IQCM: variants seen among roughly 807,000 people sequenced by gnomAD.
IQCM encodes IQ motif containing M, also known as IQ domain-containing protein M.
In IQCM, 45 loss-of-function variants were observed where a neutral mutation model predicts 57.6. The ratio of observed to expected loss-of-function variants is 0.78; its 90% CI spans 0.62 to 1.00. IQCM has a LOEUF of 1.00. Among genes scored for constraint, IQCM ranks in the 50% least tolerant of loss-of-function variants. The pLI is 0.00. For synonymous variants in IQCM, 148 were observed against 158.9 expected, an observed-to-expected ratio of 0.93 and a Z score of 0.51; for missense variants, 468 against 511.6, an observed-to-expected ratio of 0.91 and a Z score of 0.82.
Position 149,776,136 on chromosome 4 carries a change from AAATTT to A in IQCM, c.-48-33402_-48-33398del, listed in dbSNP as rs371324151. On this transcript the variant is annotated intron_variant, in intron 2 of 13. Transcript: ENST00000636793. ...GACACAGCAAGGCTGTGTCTCTAAA[AAATTT>A]AATTTAATTTAAATTTAGAAAGCAA... Among the ~76,000 whole-genome samples the A allele has an allele frequency of 6.5e-3, 983 of 152,240 alleles. 9 individuals are homozygous for A. The highest frequency in any genetic ancestry group is 0.044 in the Middle Eastern group (13 of 294).
chr4:149,595,378 C>T (rs1701824479), intron 8 of IQCM, among the ~76,000 whole-genome samples: 2 of 151,772 alleles, frequency 1.3e-5, no homozygotes, highest in African/African-American at 4.8e-5. Flanking sequence ...ACCTTGTGAC[C>T]CTACCAGAAA....
chr4:149,444,786 T>C (rs148641520), intron 12 of IQCM, among the ~76,000 whole-genome samples: 34 of 152,022 alleles, frequency 2.2e-4, no homozygotes, highest in East Asian at 1.7e-3. Context: ...ATTAGTTAAA[T>C]TGATAACAAA....
intron 2 of IQCM, among the ~76,000 whole-genome samples, chr4:149,746,222 C>T (rs1016716888): frequency 6.6e-6 from 1 of 152,116 alleles, no homozygotes; most frequent in African/African-American, 2.4e-5. Flanking sequence ...CATACTTTCA[C>T]CCTTCCCCAT....
intron 13 of IQCM, among the ~76,000 whole-genome samples, chr4:149,371,192 T>C (rs1044867376): frequency 1.3e-5 from 2 of 152,062 alleles, no homozygotes; most frequent in Non-Finnish European, 2.9e-5. Context: ...AAGTTGTAAA[T>C]TACCACTAGA....
intron 8 of IQCM, among the ~76,000 whole-genome samples, chr4:149,599,157 T>C (rs889479459): frequency 2.0e-5 from 3 of 152,144 alleles, no homozygotes; most frequent in African/African-American, 7.2e-5. Context: ...AATAACTTTT[T>C]TAAAAGCAAA....
intron 13 of IQCM, among the ~76,000 whole-genome samples, chr4:149,370,047 CACCACGTCTGGCAATTTTTTTATTTT>C (rs761540144): frequency 2.0e-5 from 3 of 152,070 alleles, no homozygotes; most frequent in Non-Finnish European, 4.4e-5. Context: ...AGGCTGGGGC[CACCACGTCTGGCAATTTTTTTATTTT>C]TGTAGAGAGG....
chr4:149,381,520 T>C (rs1731074827), intron 13 of IQCM, among the ~76,000 whole-genome samples: 1 of 152,070 alleles, frequency 6.6e-6, no homozygotes, highest in Non-Finnish European at 1.5e-5. Flanking sequence ...CTCCAGACAC[T>C]CTCTTCTCAG....
chr4:149,356,284 T>A lies in IQCM; in HGVS notation c.1391-4218A>T, dbSNP rs752431550. On this transcript the variant is annotated intron_variant, in intron 13 of 13. Transcript: ENST00000636793. ...TTTGTCAATTTTGGCTTTTGTTGCC[T>A]TTGCTTTTGGTGTTTTAGACATGAA... Among the ~76,000 whole-genome samples the A allele has an allele frequency of 3.8e-3, 584 of 152,242 alleles. 3 individuals carry two copies. The highest frequency in any genetic ancestry group is 0.013 in the African/African-American group (542 of 41,552).
At chr4:149,436,233 T>A (rs1735352530) in intron 12 of IQCM, among the ~76,000 whole-genome samples, 1 of 152,136 alleles carries the variant, frequency 6.6e-6, no homozygotes, top group African/African-American at 2.4e-5. Flanking sequence ...CACAAATCCT[T>A]ACCACTGTGT....
intron 2 of IQCM, among the ~76,000 whole-genome samples, chr4:149,747,400 T>A (rs981980284): frequency 6.6e-6 from 1 of 152,184 alleles, no homozygotes; most frequent in Non-Finnish European, 1.5e-5. Context: ...CCCTCCCATA[T>A]AGTTTAAATC....
intron 12 of IQCM, among the ~76,000 whole-genome samples, chr4:149,500,300 T>C (rs1206444868): frequency 6.6e-6 from 1 of 152,206 alleles, no homozygotes; most frequent in Non-Finnish European, 1.5e-5. Context: ...GACAGCAAAG[T>C]GTCAAATGAC....
chr4:149,438,341 A>C (rs1280201373), intron 12 of IQCM, among the ~76,000 whole-genome samples: 3 of 152,132 alleles, frequency 2.0e-5, no homozygotes, highest in Non-Finnish European at 4.4e-5. Context: ...ATAATATTTA[A>C]TAAATAATGA....
intron 2 of IQCM, among the ~76,000 whole-genome samples, chr4:149,746,805 A>G (rs1767976990): frequency 6.6e-6 from 1 of 152,206 alleles, no homozygotes; most frequent in South Asian, 2.1e-4. Context: ...CTCCAAATCC[A>G]AGAAATCAAC....
intron 2 of IQCM, among the ~76,000 whole-genome samples, chr4:149,750,753 TC>T (rs1768360010): frequency 1.3e-5 from 2 of 152,170 alleles, no homozygotes; most frequent in Non-Finnish European, 2.9e-5. Context: ...TATAAAGCAT[TC>T]CCCGCTGAGA....
In IQCM at chr4:149,522,618, GA is replaced by G. The variant is rs541980155; in HGVS notation, c.1228+25836del. On this transcript the variant is annotated intron_variant, in intron 12 of 13. Coordinates refer to ENST00000636793, the MANE Select transcript of IQCM (RefSeq NM_001363507.2). ...GGAAATAATTCAAGACATAGAGGGG[GA>G]AAAAGTGGGGAGAAGGAGGAATTAA... is the stretch of plus-strand genomic sequence containing the variant. Among the ~76,000 whole-genome samples the G allele has an allele frequency of 5.3e-5, 8 of 152,112 alleles. No individual in the cohort carries two copies. In the East Asian group the frequency reaches 1.5e-3, roughly 29 times the overall value.
intron 12 of IQCM, among the ~76,000 whole-genome samples, chr4:149,437,372 G>T (rs1735464384): frequency 6.6e-6 from 1 of 152,102 alleles, no homozygotes; most frequent in Non-Finnish European, 1.5e-5. Flanking sequence ...TGTAGCAGCT[G>T]TTGAAAAGCC....
chr4:149,383,592 G>T (rs1250251427), intron 13 of IQCM, among the ~76,000 whole-genome samples: 1 of 152,092 alleles, frequency 6.6e-6, no homozygotes, highest in Non-Finnish European at 1.5e-5. Context: ...AGATCTTTTT[G>T]GTAAACTGCC....
At chr4:149,572,887 C>G (rs1751295909) in intron 9 of IQCM, among the ~76,000 whole-genome samples, 1 of 151,946 alleles carries the variant, frequency 6.6e-6, no homozygotes, top group Admixed American at 6.6e-5. Context: ...GCATTTCCAA[C>G]ATTATTCTCA....
intron 2 of IQCM, among the ~76,000 whole-genome samples, chr4:149,763,208 G>C (rs1769707286): frequency 6.6e-6 from 1 of 151,882 alleles, no homozygotes. Flanking sequence ...ACCAACTAGT[G>C]TACAGTATAG....
Sources: gnomAD v4.1 joint callset for allele counts (sites outside exome capture counted in the v4.1 genomes callset) on GRCh38, gnomAD v4.1.1 for gene constraint, MANE v1.5 for transcripts, NCBI Gene and HGNC (gene_info 2026-07-23, HGNC 2026-07-21) for gene names.